The following COL4A4 variants were observed in gnomAD, a reference collection of about 807,000 sequenced individuals.
The protein encoded by COL4A4 is collagen type IV alpha 4 chain.
COL4A4 carries 105 observed loss-of-function variants against 192.9 expected under a neutral mutation model. The ratio of observed to expected loss-of-function variants is 0.54; its 90% confidence interval spans 0.46 to 0.64. COL4A4 has a LOEUF of 0.64. COL4A4 is among the 30% of genes least tolerant of loss of function. The probability of loss-of-function intolerance (pLI) is 0.00; values close to 1 mark genes in which losing one functional copy is unlikely to be tolerated. For missense variants in COL4A4, 1,967 were observed against 2,169.3 expected, an observed-to-expected ratio of 0.91 and a Z score of 1.85; for synonymous variants, 762 against 769.9, an observed-to-expected ratio of 0.99 and a Z score of 0.17.
chr2:227,028,709 G>A (rs539529694), intron 41 of COL4A4, among the ~76,000 whole-genome samples: 7 of 151,100 alleles, frequency 4.6e-5, no homozygotes, highest in Admixed American at 1.3e-4. Context: ...AGGCTGGAGT[G>A]TAGTGGCACA....
intron 22 of COL4A4, among the ~76,000 whole-genome samples, chr2:227,086,030 T>C (rs1207442284): frequency 6.6e-6 from 1 of 152,242 alleles, no homozygotes; most frequent in Non-Finnish European, 1.5e-5. Context: ...AAGTAAAACT[T>C]AGAAGACTGC....
At position 227,144,576 on chromosome 2, in the gene COL4A4, C is replaced by A. The variant is rs770916599; in HGVS notation, c.72-18G>T. 3 of 1,576,700 alleles carry A rather than the reference C, an allele frequency of 1.9e-6. No homozygotes were observed. Among genetic ancestry groups the A allele is most frequent in the Non-Finnish European group, 2.6e-6 (3 of 1,146,630 alleles). On this transcript the variant is annotated intron_variant, in intron 2 of 47. Transcript: ENST00000396625. The stretch of plus-strand genomic sequence containing the variant: ...TAAGTGACCTACAGAAAAACAAAAA[C>A]GCAGATTAATTTAAACAGTTTCTTT...
At chr2:227,112,275 T>A in intron 8 of COL4A4, among the ~76,000 whole-genome samples, 1 of 151,824 alleles carries the variant, frequency 6.6e-6, no homozygotes, top group African/African-American at 2.4e-5. Flanking sequence ...TTTCAACCTT[T>A]TTTTTTTTTT....
chr2:227,098,612 G>T, intron 19 of COL4A4, 82 bp downstream of exon 19: 2 of 1,042,442 alleles, frequency 1.9e-6, no homozygotes, highest in Non-Finnish European at 3.0e-6. Flanking sequence ...TCCAATATCA[G>T]CTACAGTTGA....
chr2:226,972,759 G>T, the COL4A4 span, among the ~76,000 whole-genome samples: 1 of 152,086 alleles, frequency 6.6e-6, no homozygotes, highest in Non-Finnish European at 1.5e-5. Context: ...CTCACACTCG[G>T]CCAAGCTCTT....
At chr2:227,032,900 A>G (rs1968743496) in intron 38 of COL4A4, among the ~76,000 whole-genome samples, 1 of 152,186 alleles carries the variant, frequency 6.6e-6, no homozygotes, top group Non-Finnish European at 1.5e-5. Flanking sequence ...AACGCAACAA[A>G]TGTGCATTAT....
At chr2:227,149,428 C>T (rs2063768740) in intron 1 of COL4A4, among the ~76,000 whole-genome samples, 1 of 152,152 alleles carries the variant, frequency 6.6e-6, no homozygotes, top group Non-Finnish European at 1.5e-5. Flanking sequence ...GCCCCTTCCT[C>T]ATCTCTCTTT....
intron 32 of COL4A4, among the ~76,000 whole-genome samples, chr2:227,051,423 C>G (rs144669789): frequency 9.9e-4 from 151 of 152,258 alleles, no homozygotes; most frequent in African/African-American, 3.4e-3. Flanking sequence ...AATGAAGAAG[C>G]ACTTACCCAG....
chr2:227,157,053 C>T (rs2064409468), intron 1 of COL4A4, among the ~76,000 whole-genome samples: 1 of 152,134 alleles, frequency 6.6e-6, no homozygotes, highest in African/African-American at 2.4e-5. Context: ...ATGGACATGG[C>T]ATATCCACCA....
rs541843611 is a variant in COL4A4 at position 227,002,968 on chromosome 2, G to A, written c.*4357C>T. ...CATGGATGTGGCAGCCAGCCTTGGT[G>A]GTTTAAAATGCATTATGCAGAGTTT... On this transcript the variant is annotated 3_prime_UTR_variant, in exon 48 of 48. Coordinates refer to ENST00000396625, the MANE Select transcript of COL4A4 (RefSeq NM_000092.5). The A allele has an allele frequency of 6.5e-6, 1 of 152,732 alleles. No homozygotes were observed. The highest frequency in any genetic ancestry group is 1.9e-4 in the East Asian group (1 of 5,190). The allele number at this position is 152,732 out of a possible 1,614,324, so 9.5% of individuals were successfully genotyped here. A position where few individuals can be genotyped will look rare whatever the true frequency, so the allele number is the denominator to read the frequency against.
At chr2:227,103,306 A>G in intron 13 of COL4A4, 109 bp from the exon 14 acceptor site, 1 of 877,710 alleles carries the variant, frequency 1.1e-6, no homozygotes, top group South Asian at 1.5e-5. Context: ...CTTAAAAAAA[A>G]AAATCTTAAG....
At chr2:227,073,389 G>T (rs2058831485) in intron 25 of COL4A4, among the ~76,000 whole-genome samples, 1 of 152,020 alleles carries the variant, frequency 6.6e-6, no homozygotes, top group Non-Finnish European at 1.5e-5. Flanking sequence ...ACTGTTGAAA[G>T]AAATCATAGA....
At position 227,140,238 on chromosome 2, in the gene COL4A4, T is replaced by C; in HGVS notation, c.115A>G (p.Ser39Gly). 1.2e-6 allele frequency: 2 copies of C among 1,613,050 alleles called. No individual in the cohort carries two copies. The highest frequency in any genetic ancestry group is 1.7e-6 in the Non-Finnish European group (2 of 1,179,032). The change falls in exon 4 of 48, where the codon AGT (serine) becomes GGT (glycine). Residue 39 changes from serine to glycine, a missense_variant and splice_region_variant. Transcript: ENST00000396625. ...ILFSVQYVYG[S>G]GKKYIGPCGG... ...CAAGGACCAATGTATTTCTTTCCAC[T>C]CTGGAAAGTGAAGCATCTTATTTAG...
intron 41 of COL4A4, among the ~76,000 whole-genome samples, chr2:227,028,885 A>C (rs938546171): frequency 1.3e-5 from 2 of 151,950 alleles, no homozygotes; most frequent in Admixed American, 1.3e-4. Flanking sequence ...CTTGAACTAT[A>C]CTGGCCTCCA....
chr2:227,020,997 C>T (rs1325972169), intron 44 of COL4A4, among the ~76,000 whole-genome samples: 1 of 151,404 alleles, frequency 6.6e-6, no homozygotes, highest in Non-Finnish European at 1.5e-5. Flanking sequence ...TCCCAGGTGG[C>T]TGGGATTACA....
rs780643470 is a variant in COL4A4 at position 227,118,651 on chromosome 2, G to A, written c.483C>T (p.Gly161=). 5 of 1,611,340 alleles carry A rather than the reference G, an allele frequency of 3.1e-6. No homozygotes were observed. In the African/African-American group the frequency reaches 4.0e-5, roughly 13 times the overall value. The part of the protein sequence containing the change: ...PGGRGALGPG[G]PLGHPGEKGE... ...TGAACTGTGGGTATCTTACTAGGGG[G>A]CCTCCTGGGCCAAGAGCTCCTCTTC... Residue 161 remains glycine (G), a synonymous_variant, in exon 7 of 48, where the codon GGC becomes GGT. Transcript: ENST00000396625.
At chr2:227,055,678 G>C (rs1975161234) in intron 30 of COL4A4, among the ~76,000 whole-genome samples, 1 of 151,910 alleles carries the variant, frequency 6.6e-6, no homozygotes, top group Non-Finnish European at 1.5e-5. Context: ...CACCCTTCCC[G>C]ACCCTAGGAG....
chr2:226,995,610 T>G, the COL4A4 span: 1 of 948,664 alleles, frequency 1.1e-6, no homozygotes, highest in Non-Finnish European at 1.7e-6. Flanking sequence ...TTAATTCATT[T>G]TAAACAAAAG....
At chr2:227,059,331 C>A in intron 28 of COL4A4, 74 bp downstream of exon 28, 1 of 1,262,350 alleles carries the variant, frequency 7.9e-7, no homozygotes, top group African/African-American at 1.5e-5. Context: ...GCAAAATAAT[C>A]TAAACGTTCT....
Sources: gnomAD v4.1 joint callset for allele counts (sites outside exome capture counted in the v4.1 genomes callset) on GRCh38, gnomAD v4.1.1 for gene constraint, MANE v1.5 for transcripts, NCBI Gene and HGNC (gene_info 2026-07-23, HGNC 2026-07-21) for gene names.